FMN1: variants seen among roughly 807,000 people sequenced by gnomAD.
The protein encoded by FMN1 is formin-1.
FMN1 carries 110 observed loss-of-function variants against 132.4 expected under a neutral mutation model. The observed-to-expected ratio is 0.83, with a 90% CI of 0.71 to 0.97. The LOEUF (loss-of-function observed/expected upper bound fraction) is 0.97, where lower values mean the gene tolerates loss of function less well. FMN1 is among the 50% of genes least tolerant of loss of function. FMN1 has a pLI of 0.00. For missense variants in FMN1, 1,792 were observed against 1,705.3 expected (o/e 1.05, Z -0.90); for synonymous variants, 722 against 651.7 (o/e 1.11, Z -1.64).
At chr15:32,987,682 T>C (rs573527508) in intron 7 of FMN1, among the ~76,000 whole-genome samples, 4 of 152,202 alleles carry the variant, frequency 2.6e-5, no homozygotes, top group Admixed American at 2.6e-4. Flanking sequence ...TAAAAACAAA[T>C]GCCTACTTTC....
intron 17 of FMN1, among the ~76,000 whole-genome samples, chr15:32,829,597 T>C (rs929275075): frequency 3.9e-5 from 6 of 152,206 alleles, no homozygotes; most frequent in African/African-American, 1.4e-4. Context: ...GTGCCTATAT[T>C]GCATGAGCTG....
At chr15:32,999,849 A>G (rs537723450) in intron 7 of FMN1, among the ~76,000 whole-genome samples, 2 of 152,316 alleles carry the variant, frequency 1.3e-5, no homozygotes, top group African/African-American at 4.8e-5. Context: ...AGCCAGACAA[A>G]GGGCATGTAC....
rs147520764 is a variant in FMN1, at chr15:32,932,432, T to C, written c.3139-6171A>G. ...GTACTTTGTTGAGAATTTTAACATC[T>C]ATATTTGTAAGAGCTAATGACCTGT... is the stretch of plus-strand genomic sequence containing the variant. On this transcript the variant is annotated intron_variant, in intron 9 of 20. Coordinates refer to ENST00000616417, the MANE Select transcript of FMN1 (RefSeq NM_001277313.2). 2.8e-4 allele frequency among the ~76,000 whole-genome samples: 43 copies of C among 152,298 alleles called. No individual in the cohort carries two copies. In the East Asian group the frequency reaches 8.1e-3, roughly 29 times the overall value.
chr15:33,089,004 A>T lies in FMN1; in HGVS notation c.1868-30T>A, dbSNP rs1289914905. The T allele has an allele frequency of 2.6e-6, 4 of 1,509,470 alleles. No individual in the cohort carries two copies. The African/African-American group carries it at 5.6e-5, about 21-fold the overall frequency. 93.5% of individuals were successfully genotyped at this position (1,509,470 alleles called of 1,614,324 possible). A position where few individuals can be genotyped will look rare whatever the true frequency, so the allele number is the denominator to read the frequency against. ...ACAAACACAGAGAAGGCCATCAGTG[A>T]CATGGCAGCCAAATAAATAAATAAA... On this transcript the variant is annotated intron_variant, in intron 4 of 20. Coordinates refer to ENST00000616417, the MANE Select transcript of FMN1 (RefSeq NM_001277313.2).
intron 17 of FMN1, among the ~76,000 whole-genome samples, chr15:32,815,567 C>A (rs2058035372): frequency 6.6e-6 from 1 of 152,058 alleles, no homozygotes; most frequent in Admixed American, 6.5e-5. Flanking sequence ...CTCATATAAA[C>A]CCCTCATGCT....
At chr15:32,810,973 T>C in intron 17 of FMN1, 1 of 456,280 alleles carries the variant, frequency 2.2e-6, no homozygotes, top group Non-Finnish European at 4.4e-6. Flanking sequence ...GACTGCGCTC[T>C]GCTTCACGTG....
Position 32,933,588 on chromosome 15 carries a change from T to C in FMN1, c.3139-7327A>G, listed in dbSNP as rs190351123. Among the ~76,000 whole-genome samples, 560 of 147,348 alleles carry C rather than the reference T, an allele frequency of 3.8e-3. 3 individuals are homozygous for C. Among genetic ancestry groups the C allele is most frequent in the Non-Finnish European group, 4.6e-3 (310 of 67,990 alleles). ...GTTATTGAAATCTCCCATTGCTGTGTTGCTGTGTATTTCTCCCTTTAGTTC... is the reference window on the plus strand; with the variant it reads ...GTTATTGAAATCTCCCATTGCTGTGCTGCTGTGTATTTCTCCCTTTAGTTC... On this transcript the variant is annotated intron_variant, in intron 9 of 20. Transcript: ENST00000616417.
At chr15:32,965,867 G>A (rs916118025) in intron 8 of FMN1, among the ~76,000 whole-genome samples, 1 of 152,166 alleles carries the variant, frequency 6.6e-6, no homozygotes, top group Admixed American at 6.5e-5. Flanking sequence ...CATTTCCAGT[G>A]AAGTACATCC....
intron 7 of FMN1, among the ~76,000 whole-genome samples, chr15:32,971,986 G>A (rs891621500): frequency 6.6e-6 from 1 of 152,104 alleles, no homozygotes; most frequent in Non-Finnish European, 1.5e-5. Flanking sequence ...TAGTGTAGTG[G>A]GCAGAACACA....
chr15:33,161,492 T>A (rs970082586), intron 3 of FMN1, among the ~76,000 whole-genome samples: 3 of 152,138 alleles, frequency 2.0e-5, no homozygotes, highest in Non-Finnish European at 4.4e-5. Context: ...TACTGCCCCC[T>A]CCCCTTGCTC....
intron 17 of FMN1, among the ~76,000 whole-genome samples, chr15:32,827,383 C>G (rs1256654964): frequency 6.6e-6 from 1 of 152,158 alleles, no homozygotes; most frequent in African/African-American, 2.4e-5. Context: ...TGGATTATTA[C>G]CTACTATTCA....
At chr15:32,858,157 G>C (rs1424757755) in intron 16 of FMN1, among the ~76,000 whole-genome samples, 1 of 152,204 alleles carries the variant, frequency 6.6e-6, no homozygotes, top group African/African-American at 2.4e-5. Context: ...TTGGAAGAAG[G>C]AGGTTGGGAA....
chr15:33,124,254 G>C (rs993143400), intron 4 of FMN1, among the ~76,000 whole-genome samples: 38 of 145,146 alleles, frequency 2.6e-4, no homozygotes, highest in Admixed American at 5.3e-4. Context: ...GTTATGTGGA[G>C]GAAAAAAACA....
At chr15:32,851,216 G>A (rs563678521) in intron 17 of FMN1, among the ~76,000 whole-genome samples, 2 of 152,282 alleles carry the variant, frequency 1.3e-5, no homozygotes, top group Non-Finnish European at 2.9e-5. Flanking sequence ...CGAAATTAAC[G>A]GAGAATGAGA....
chr15:32,901,132 C>A (rs1277727545), intron 13 of FMN1, among the ~76,000 whole-genome samples: 3 of 150,798 alleles, frequency 2.0e-5, no homozygotes, highest in African/African-American at 4.9e-5. Flanking sequence ...CCAGCCTGGG[C>A]AAGAAGAATG....
At chr15:32,948,756 A>G (rs970656959) in intron 9 of FMN1, among the ~76,000 whole-genome samples, 1 of 152,024 alleles carries the variant, frequency 6.6e-6, no homozygotes, top group Non-Finnish European at 1.5e-5. Flanking sequence ...CAATCTTGCA[A>G]AAAGTTTTTG....
At chr15:33,109,014 T>A (rs1423465504) in intron 4 of FMN1, among the ~76,000 whole-genome samples, 1 of 152,010 alleles carries the variant, frequency 6.6e-6, no homozygotes, top group Non-Finnish European at 1.5e-5. Flanking sequence ...ATGCCTACAA[T>A]TAACCCAAGA....
At chr15:33,013,021 G>A (rs1400850432) in intron 6 of FMN1, 5 of 410,816 alleles carry the variant, frequency 1.2e-5, no homozygotes, top group Non-Finnish European at 2.3e-5. Flanking sequence ...ACAAAACCAA[G>A]GAGGCTATAG....
intron 17 of FMN1, among the ~76,000 whole-genome samples, chr15:32,847,781 G>C (rs2058894278): frequency 6.6e-6 from 1 of 152,190 alleles, no homozygotes; most frequent in East Asian, 1.9e-4. Flanking sequence ...CATGAACCTG[G>C]GAGGCGGAGC....
Sources: gnomAD v4.1 joint callset for allele counts (sites outside exome capture counted in the v4.1 genomes callset) on GRCh38, gnomAD v4.1.1 for gene constraint, MANE v1.5 for transcripts, NCBI Gene and HGNC (gene_info 2026-07-23, HGNC 2026-07-21) for gene names.